The following MREG variants were observed in gnomAD, a reference collection of about 807,000 sequenced individuals.
MREG encodes the protein melanoregulin.
MREG carries 31 observed loss-of-function variants against 28.5 expected under a neutral mutation model. That is an observed-to-expected ratio of 1.09 (90% CI 0.82 to 1.47). The LOEUF (loss-of-function observed/expected upper bound fraction) is 1.47. Among genes scored for constraint, MREG ranks in the 40% most tolerant of loss-of-function variants. The pLI is 0.00. For missense variants in MREG, 256 were observed against 257.4 expected, an observed-to-expected ratio of 0.99 and a Z score of 0.04; for synonymous variants, 106 against 95.2, an observed-to-expected ratio of 1.11 and a Z score of -0.66.
chr2:215,939,755 A>C (rs1350903792), downstream of MREG: 1 of 152,238 alleles, frequency 6.6e-6, no homozygotes, highest in Non-Finnish European at 1.5e-5. Context: ...TGAAATGATT[A>C]AGCAACCATC....
chr2:215,974,761 C>A (rs943254174), intron 2 of MREG, among the ~76,000 whole-genome samples: 4 of 151,472 alleles, frequency 2.6e-5, no homozygotes, highest in African/African-American at 9.7e-5. Flanking sequence ...TCTGCTTTAT[C>A]TACTCTGGTG....
rs1482619983 is a variant in MREG at position 216,013,293 on chromosome 2, C to T, written c.35G>A (p.Cys12Tyr). ...GLRDWLRTVC[C>Y]CCGCECLEER... ...CTCCAAGCACTCGCACCCGCAGCAG[C>T]AGCACACGGTTCTCAGCCAGTCCCT... The change falls in exon 1 of 5, where the codon TGC becomes TAC. Residue 12 changes from cysteine to tyrosine, a missense_variant. Transcript: ENST00000263268. The T allele has an allele frequency of 6.5e-7, 1 of 1,549,648 alleles. No homozygotes were observed. Among genetic ancestry groups the T allele is most frequent in the Non-Finnish European group, 8.7e-7 (1 of 1,146,642 alleles).
chr2:216,021,417 CT>C (rs1008990804), intron 1 of MREG, among the ~76,000 whole-genome samples: 3 of 152,132 alleles, frequency 2.0e-5, no homozygotes, highest in Non-Finnish European at 2.9e-5. Context: ...GCTCCCAAGC[CT>C]TTTATAGGGA....
rs202147771 is a variant in MREG, at chr2:215,944,962, G to A, written c.546C>T (p.Phe182=). The A allele has an allele frequency of 2.5e-6, 4 of 1,605,610 alleles. No homozygotes were observed. Among genetic ancestry groups the A allele is most frequent in the Non-Finnish European group, 3.4e-6 (4 of 1,173,340 alleles). ...GGTAAGTTCGACGAGCAAGCTTAAAGAACTCTTCTGCAGCATCAAGTGCAA... is the reference window on the plus strand; with the variant it reads ...GGTAAGTTCGACGAGCAAGCTTAAAAAACTCTTCTGCAGCATCAAGTGCAA... ...RLIALDAAEE[F]FKLARRTYPK... The change falls in exon 5 of 5, where the codon TTC becomes TTT. Residue 182 remains phenylalanine (F), a synonymous_variant. Transcript: ENST00000263268.
chr2:215,958,148 C>T (rs1416598451), intron 2 of MREG, among the ~76,000 whole-genome samples: 1 of 151,510 alleles, frequency 6.6e-6, no homozygotes, highest in African/African-American at 2.4e-5. Flanking sequence ...GGAGATATAC[C>T]TAATGCTAAA....
intron 1 of MREG, among the ~76,000 whole-genome samples, chr2:216,021,821 G>A (rs536120217): frequency 3.1e-4 from 47 of 152,298 alleles, no homozygotes; most frequent in Admixed American, 2.1e-3. Context: ...AGTCAGATCC[G>A]ACCCCATCAC....
intron 2 of MREG, among the ~76,000 whole-genome samples, chr2:215,953,254 A>G (rs1221861183): frequency 1.3e-5 from 2 of 152,244 alleles, no homozygotes; most frequent in African/African-American, 4.8e-5. Flanking sequence ...CCCTTGCAGA[A>G]CAGTTATAGT....
intron 1 of MREG, among the ~76,000 whole-genome samples, chr2:216,031,685 AAGAAAG>A (rs762344420): frequency 0.041 from 2,196 of 53,926 alleles, 49 homozygotes; most frequent in African/African-American, 0.13. Flanking sequence ...GAAAGAAAGA[AAGAAAG>A]AGAAAGAAAG....
intron 1 of MREG, among the ~76,000 whole-genome samples, chr2:216,030,954 TCTCACACA>T (rs1472774330): frequency 6.4e-5 from 7 of 109,470 alleles, no homozygotes; most frequent in African/African-American, 3.0e-4. Context: ...TCTCTCTCTC[TCTCACACA>T]CACACACACA....
rs1692279445 is a variant in MREG, at chr2:215,944,852, G to A, written c.*11C>T. On this transcript the variant is annotated 3_prime_UTR_variant, in exon 5 of 5. Transcript: ENST00000263268. ...ATGGAAGAATTCCCATTCTGCCCCT[G>A]AGCCTCTCCTTTAGGGACTTGGAAA... The A allele has an allele frequency of 1.3e-6, 2 of 1,572,766 alleles. No individual in the cohort carries two copies. Among genetic ancestry groups the A allele is most frequent in the Non-Finnish European group, 8.7e-7 (1 of 1,147,484 alleles).
At chr2:216,003,289 T>A (rs571119939) in intron 1 of MREG, among the ~76,000 whole-genome samples, 2 of 152,132 alleles carry the variant, frequency 1.3e-5, no homozygotes, top group African/African-American at 4.8e-5. Flanking sequence ...CCCACTCTGA[T>A]GTGCTCCTAC....
chr2:216,030,829 C>T (rs1156443533), intron 1 of MREG, among the ~76,000 whole-genome samples: 1 of 150,416 alleles, frequency 6.6e-6, no homozygotes, highest in Non-Finnish European at 1.5e-5. Flanking sequence ...TTCCAAAGTG[C>T]TAGGATTACA....
chr2:215,952,632 C>A (rs1692519908), intron 2 of MREG, among the ~76,000 whole-genome samples: 1 of 151,856 alleles, frequency 6.6e-6, no homozygotes, highest in Non-Finnish European at 1.5e-5. Flanking sequence ...TATTTTAAAC[C>A]ATCTTAAACT....
At chr2:215,986,197 T>C (rs1693566471) in intron 2 of MREG, among the ~76,000 whole-genome samples, 1 of 152,226 alleles carries the variant, frequency 6.6e-6, no homozygotes, top group African/African-American at 2.4e-5. Context: ...AAAACATATT[T>C]ATTTAGCTGG....
chr2:215,992,295 C>T (rs746317377), intron 2 of MREG, among the ~76,000 whole-genome samples: 1 of 152,160 alleles, frequency 6.6e-6, no homozygotes, highest in Non-Finnish European at 1.5e-5. Context: ...ATAACAAAAA[C>T]CACATGATTA....
intron 1 of MREG, among the ~76,000 whole-genome samples, chr2:216,008,994 C>T (rs567228870): frequency 6.6e-6 from 1 of 152,284 alleles, no homozygotes; most frequent in East Asian, 1.9e-4. Context: ...CCCTATGAAG[C>T]ACAGCTGATT....
intron 2 of MREG, among the ~76,000 whole-genome samples, chr2:215,969,835 TACTTAGG>T (rs1645424409): frequency 6.6e-6 from 1 of 152,088 alleles, no homozygotes. Flanking sequence ...AAGCTAGGCC[TACTTAGG>T]ACTCCCTTTG....
rs531280729 is a variant in MREG, at chr2:216,032,622, T to G, written c.-68+167A>C. 5.3e-5 allele frequency among the ~76,000 whole-genome samples: 8 copies of G among 152,300 alleles called. No individual in the cohort carries two copies. In the South Asian group the frequency reaches 1.7e-3, roughly 32 times the overall value. On this transcript the variant is annotated intron_variant, in intron 1 of 3. Coordinates refer to the MREG transcript ENST00000420348. ...CTATTTGGGACCTGGTCTTCCACTC[T>G]CTCTGCCACACTCATGAACCACCAT...
intron 1 of MREG, among the ~76,000 whole-genome samples, chr2:216,031,728 T>C (rs1417416332): frequency 7.5e-6 from 1 of 133,098 alleles, no homozygotes; most frequent in Non-Finnish European, 1.7e-5. Context: ...ATGAAAAGAA[T>C]TGGATAAAAG....
Sources: allele counts gnomAD v4.1 joint callset (sites outside exome capture counted in the v4.1 genomes callset), GRCh38; gene constraint gnomAD v4.1.1; transcripts MANE v1.5; gene names NCBI Gene and HGNC (gene_info 2026-07-23, HGNC 2026-07-21).